The following GATA4 variants were observed in gnomAD, a reference collection of about 807,000 sequenced individuals.
GATA4 encodes GATA binding protein 4, also known as transcription factor GATA-4.
Under a neutral mutation model 37.9 loss-of-function variants are expected in GATA4, and 7 were observed. The observed-to-expected ratio is 0.18, with a 90% CI of 0.11 to 0.35. The LOEUF (loss-of-function observed/expected upper bound fraction) is 0.35. GATA4 is among the 10% of genes least tolerant of loss of function. GATA4 has a pLI of 1.00. For synonymous variants in GATA4, 372 were observed against 292.6 expected, an observed-to-expected ratio of 1.27 and a Z score of -2.77; for missense variants, 647 against 653.0, an observed-to-expected ratio of 0.99 and a Z score of 0.10.
intron 2 of GATA4, among the ~76,000 whole-genome samples, chr8:11,718,444 T>C (rs1800528748): frequency 6.6e-6 from 1 of 152,274 alleles, no homozygotes; most frequent in African/African-American, 2.4e-5. Context: ...TGGGCCATTC[T>C]GTGTGTTTAA....
intron 1 of GATA4, among the ~76,000 whole-genome samples, chr8:11,679,459 G>A (rs1798884500): frequency 6.6e-6 from 1 of 152,200 alleles, no homozygotes; most frequent in Admixed American, 6.5e-5. Flanking sequence ...AAACCAGGCG[G>A]CGTCAGGCTT....
chr8:11,683,407 G>A (rs1585547187), intron 1 of GATA4, among the ~76,000 whole-genome samples: 1 of 152,124 alleles, frequency 6.6e-6, no homozygotes, highest in East Asian at 1.9e-4. Context: ...GGAAGTAGCA[G>A]AATCCTTTTG....
chr8:11,715,861 C>T (rs1800413456), intron 2 of GATA4, among the ~76,000 whole-genome samples: 1 of 152,148 alleles, frequency 6.6e-6, no homozygotes, highest in African/African-American at 2.4e-5. Flanking sequence ...CATTAAAATA[C>T]CACTCCCATT....
intron 4 of GATA4, among the ~76,000 whole-genome samples, chr8:11,752,282 G>C (rs966425825): frequency 2.0e-5 from 3 of 152,148 alleles, no homozygotes; most frequent in Admixed American, 6.5e-5. Context: ...TACACGTATA[G>C]GTGTATTAGT....
intron 1 of GATA4, among the ~76,000 whole-genome samples, 197 bp downstream of exon 1, chr8:11,704,501 A>C (rs913912538): frequency 3.7e-4 from 57 of 152,324 alleles, no homozygotes; most frequent in African/African-American, 1.2e-3. Flanking sequence ...TCAAAGTAAG[A>C]CTTGGGGGCA....
Position 11,759,450 on chromosome 8 carries a change from G to A in GATA4, c.*975G>A, listed in dbSNP as rs952873138. ...TGTCCCAAGGGCTGGCCCACCTGCTGTCTGTCTGCTCCTCCTAGCCCTTGG... is the reference window on the plus strand; with the variant it reads ...TGTCCCAAGGGCTGGCCCACCTGCTATCTGTCTGCTCCTCCTAGCCCTTGG... On this transcript the variant is annotated 3_prime_UTR_variant, in exon 7 of 7. Transcript: ENST00000532059. 6.6e-6 allele frequency: 1 copy of A among 152,346 alleles called. No homozygotes were observed. Among genetic ancestry groups the A allele is most frequent in the African/African-American group, 2.4e-5 (1 of 41,464 alleles). The allele number at this position is 152,346 out of a possible 1,614,324, so 9.4% of individuals were successfully genotyped here. A position where few individuals can be genotyped will look rare whatever the true frequency, so the allele number is the denominator to read the frequency against.
chr8:11,703,745 C>T (rs1218868697), upstream of GATA4, among the ~76,000 whole-genome samples: 1 of 152,332 alleles, frequency 6.6e-6, no homozygotes, highest in African/African-American at 2.4e-5. Context: ...AGGATCCCCA[C>T]TACCCCTGCC....
chr8:11,679,235 T>A (rs1798876818), intron 1 of GATA4, among the ~76,000 whole-genome samples: 1 of 150,998 alleles, frequency 6.6e-6, no homozygotes, highest in Admixed American at 6.6e-5. Context: ...CAGGAGAATG[T>A]CAGTGGCCCT....
At chr8:11,706,807 CT>C (rs1203053056) in intron 1 of GATA4, among the ~76,000 whole-genome samples, 1 of 152,114 alleles carries the variant, frequency 6.6e-6, no homozygotes, top group Non-Finnish European at 1.5e-5. Flanking sequence ...AGTTTCAAAA[CT>C]TTCCAGTGCT....
chr8:11,729,430 G>A (rs183230700), intron 2 of GATA4, among the ~76,000 whole-genome samples: 10 of 152,112 alleles, frequency 6.6e-5, no homozygotes, highest in East Asian at 1.9e-4. Flanking sequence ...TTAGCCAGGC[G>A]TGGTGGCATG....
chr8:11,732,637 T>G (rs903083194), intron 2 of GATA4, among the ~76,000 whole-genome samples: 1 of 152,170 alleles, frequency 6.6e-6, no homozygotes, highest in African/African-American at 2.4e-5. Flanking sequence ...AACCCGAGTC[T>G]GGAGGCTAGA....
intron 2 of GATA4, among the ~76,000 whole-genome samples, chr8:11,734,934 A>C (rs1270546034): frequency 6.6e-6 from 1 of 152,274 alleles, no homozygotes; most frequent in Non-Finnish European, 1.5e-5. Flanking sequence ...ACAGACGTTT[A>C]GTCCATAACC....
chr8:11,695,491 CACTG>C (rs1283300432), intron 1 of GATA4, among the ~76,000 whole-genome samples: 4 of 152,206 alleles, frequency 2.6e-5, no homozygotes, highest in Non-Finnish European at 5.9e-5. Context: ...GGCCATGTTT[CACTG>C]ACTGCTTTTC....
chr8:11,708,825 G>C lies in GATA4; in HGVS notation c.513G>C (p.Ala171=). 1 of 1,493,096 alleles carries C rather than the reference G, an allele frequency of 6.7e-7. No homozygotes were observed. The allele number at this position is 1,493,096 out of a possible 1,614,324, so 92.5% of individuals were successfully genotyped here. A position where few individuals can be genotyped will look rare whatever the true frequency, so the allele number is the denominator to read the frequency against. The change falls in exon 2 of 7, where the codon GCG becomes GCC. Residue 171 remains alanine (A), a synonymous_variant. Transcript: ENST00000532059. The surrounding 1 kb of genome is among the most constrained non-coding windows in gnomAD (Gnocchi z 6.7). ...CGGCTTACATGGCCGACGTGGGCGC[G>C]TCCTGGGCCGCAGCCGCCGCCGCCT... ...PYPAYMADVG[A]SWAAAAAASA... is the part of the protein sequence containing the mutation.
intron 1 of GATA4, among the ~76,000 whole-genome samples, chr8:11,698,195 T>C (rs2130010478): frequency 6.6e-6 from 1 of 152,350 alleles, no homozygotes; most frequent in East Asian, 1.9e-4. Flanking sequence ...CCTTTCTCTG[T>C]CTCTGCTCTC....
At chr8:11,704,751 C>T (rs1400905848) in intron 1 of GATA4, among the ~76,000 whole-genome samples, 1 of 152,248 alleles carries the variant, frequency 6.6e-6, no homozygotes, top group African/African-American at 2.4e-5. Context: ...TCCGGGGACG[C>T]AGGGTGGCAG....
intron 4 of GATA4, among the ~76,000 whole-genome samples, chr8:11,754,083 C>T (rs28665608): frequency 0.055 from 8,402 of 152,270 alleles, 728 homozygotes; most frequent in African/African-American, 0.19. Context: ...CCACCATTCA[C>T]AGAAGCACCA....
intron 2 of GATA4, among the ~76,000 whole-genome samples, chr8:11,731,017 C>T (rs375580829): frequency 2.0e-5 from 3 of 152,366 alleles, no homozygotes; most frequent in Non-Finnish European, 2.9e-5. Context: ...CTTCCCTCTC[C>T]ATTTGTTGCT....
At chr8:11,678,823 T>C (rs7386288) in intron 1 of GATA4, among the ~76,000 whole-genome samples, 93,094 of 152,092 alleles carry the variant, frequency 0.61, 32,693 homozygotes, top group East Asian at 0.89. Context: ...ATTTCCTTTT[T>C]CTTCTAAGAA....
Sources: allele counts gnomAD v4.1 joint callset (sites outside exome capture counted in the v4.1 genomes callset), GRCh38; gene constraint gnomAD v4.1.1; non-coding constraint Gnocchi (gnomAD v3.1); transcripts MANE v1.5; gene names NCBI Gene and HGNC (gene_info 2026-07-23, HGNC 2026-07-21).